Variants in WWOX observed in about 807,000 individuals in gnomAD.
WWOX encodes WW domain containing oxidoreductase, also known as WW domain-containing oxidoreductase.
WWOX carries 69 observed loss-of-function variants against 46.2 expected under a neutral mutation model. The observed-to-expected ratio is 1.49, with a 90% confidence interval of 1.23 to 1.82. WWOX has a LOEUF of 1.82. Ranked by LOEUF, WWOX falls within the 40% of genes most tolerant of loss-of-function variation. The probability of loss-of-function intolerance (pLI) is 0.00; values close to 1 mark genes in which losing one functional copy is unlikely to be tolerated. For synonymous variants in WWOX, 359 were observed against 202.6 expected (o/e 1.77, Z -6.56); for missense variants, 919 against 542.6 (o/e 1.69, Z -6.89).
intron 6 of WWOX, among the ~76,000 whole-genome samples, chr16:78,401,070 C>G (rs188224154): frequency 6.6e-6 from 1 of 152,322 alleles, no homozygotes; most frequent in Non-Finnish European, 1.5e-5. Flanking sequence ...TCCTCCTGCC[C>G]CTGCCTCCCA....
rs577464308 is a variant in WWOX, at chr16:79,165,842, G to A, written c.1057-45766G>A. ...ACATCCCTCACTCGGTCGCCGAACCGGGAACAGGGTTATAACTCAGTCTAA... is the reference window on the plus strand; with the variant it reads ...ACATCCCTCACTCGGTCGCCGAACCAGGAACAGGGTTATAACTCAGTCTAA... On this transcript the variant is annotated intron_variant, in intron 8 of 8. Transcript: ENST00000566780. 2.6e-3 allele frequency among the ~76,000 whole-genome samples: 401 copies of A among 152,208 alleles called. 2 individuals carry two copies. Among genetic ancestry groups the A allele is most frequent in the African/African-American group, 8.9e-3 (368 of 41,510 alleles).
At chr16:78,402,387 AT>A (rs932424343) in intron 6 of WWOX, among the ~76,000 whole-genome samples, 3 of 152,150 alleles carry the variant, frequency 2.0e-5, no homozygotes, top group African/African-American at 7.2e-5. Flanking sequence ...TCAGTCGGAT[AT>A]TTCTGTTGTT....
At chr16:79,161,808 C>G (rs1163070931) in intron 8 of WWOX, among the ~76,000 whole-genome samples, 2 of 152,248 alleles carry the variant, frequency 1.3e-5, no homozygotes, top group Non-Finnish European at 2.9e-5. Flanking sequence ...CATGAGCCAC[C>G]TCACGTGGTT....
intron 5 of WWOX, among the ~76,000 whole-genome samples, chr16:78,207,674 C>T (rs1243240395): frequency 6.8e-6 from 1 of 147,674 alleles, no homozygotes; most frequent in Non-Finnish European, 1.5e-5. Context: ...AACAGGATAA[C>T]AGTGCATTGC....
chr16:78,858,433 A>G (rs1003599706), intron 8 of WWOX, among the ~76,000 whole-genome samples: 6 of 152,086 alleles, frequency 3.9e-5, no homozygotes, highest in African/African-American at 4.8e-5. Context: ...TGAGTTGGAA[A>G]AAGCAAATTG....
At chr16:78,891,691 C>G (rs191661701) in intron 8 of WWOX, 5 of 152,158 alleles carry the variant, frequency 3.3e-5, no homozygotes, top group Admixed American at 6.6e-5. Context: ...TCTGTTTGCT[C>G]TAACATCCTT....
At chr16:79,118,220 T>A (rs532874207) in intron 8 of WWOX, among the ~76,000 whole-genome samples, 2 of 152,324 alleles carry the variant, frequency 1.3e-5, no homozygotes, top group East Asian at 3.9e-4. Context: ...AATACTGTTG[T>A]GTCTCAGGTA....
chr16:78,774,030 C>G (rs1025384958), intron 8 of WWOX, among the ~76,000 whole-genome samples: 1 of 152,190 alleles, frequency 6.6e-6, no homozygotes, highest in Non-Finnish European at 1.5e-5. Context: ...GGTGTCCACA[C>G]ATCAACTTAA....
chr16:78,104,710 T>G (rs1171934759), intron 1 of WWOX, among the ~76,000 whole-genome samples: 2 of 152,220 alleles, frequency 1.3e-5, no homozygotes, highest in Non-Finnish European at 2.9e-5. Context: ...TGTTCTAATT[T>G]TCTCTTCATT....
At chr16:78,951,696 A>T (rs7206333) in intron 8 of WWOX, among the ~76,000 whole-genome samples, 1 of 151,970 alleles carries the variant, frequency 6.6e-6, no homozygotes, top group South Asian at 2.1e-4. Context: ...GGTTCTACCC[A>T]GTACCGGGGA....
intron 8 of WWOX, among the ~76,000 whole-genome samples, chr16:78,713,748 G>A (rs2048498878): frequency 6.6e-6 from 1 of 152,164 alleles, no homozygotes; most frequent in Admixed American, 6.5e-5. Flanking sequence ...GCAGCCTTCA[G>A]AACTGTGAGA....
rs560239514 is a variant in WWOX, at chr16:78,343,802, C to G, written c.517-43058C>G. On this transcript the variant is annotated intron_variant, in intron 5 of 8. Transcript: ENST00000566780. ...CTAAAGGAGTGACTTGCTCTCAGTT[C>G]TTTGTCATTCAGCTGCTTTAATATT... Among the ~76,000 whole-genome samples, 2 of 120,352 alleles carry G rather than the reference C, an allele frequency of 1.7e-5. 1 individual carries two copies. Among genetic ancestry groups the G allele is most frequent in the Non-Finnish European group, 4.0e-5 (2 of 50,406 alleles). 79.0% of individuals were successfully genotyped at this position (120,352 alleles called of 152,430 possible). A position where few individuals can be genotyped will look rare whatever the true frequency, so the allele number is the denominator to read the frequency against.
At chr16:78,288,568 T>C (rs1011647206) in intron 5 of WWOX, among the ~76,000 whole-genome samples, 1 of 152,190 alleles carries the variant, frequency 6.6e-6, no homozygotes, top group Non-Finnish European at 1.5e-5. Context: ...TCCTGTGTGC[T>C]TCCCCTTGAT....
chr16:79,151,871 C>G (rs13339141), intron 8 of WWOX, among the ~76,000 whole-genome samples: 46,550 of 152,110 alleles, frequency 0.31, 7,944 homozygotes, highest in East Asian at 0.51. Context: ...TTTTCTTTGA[C>G]TGGGGACTTG....
intron 8 of WWOX, among the ~76,000 whole-genome samples, chr16:78,597,550 T>G (rs542325172): frequency 4.6e-5 from 7 of 152,316 alleles, no homozygotes; most frequent in Non-Finnish European, 1.0e-4. Context: ...GTGACCTGTT[T>G]TAAGAAAAGC....
chr16:78,774,119 T>C (rs2050129856), intron 8 of WWOX, among the ~76,000 whole-genome samples: 1 of 152,160 alleles, frequency 6.6e-6, no homozygotes, highest in African/African-American at 2.4e-5. Context: ...ACATTACTTC[T>C]AGGCTGGGTG....
At position 79,015,056 on chromosome 16, in the gene WWOX, C is replaced by G. The variant is rs563585254; in HGVS notation, c.1057-196552C>G. On this transcript the variant is annotated intron_variant, in intron 8 of 8. Coordinates refer to ENST00000566780, the MANE Select transcript of WWOX (RefSeq NM_016373.4). ...TGACATGAAAGGGGCCTTTCTCCTGCTGTCATCCTGAACCTCTGTCTTTCA... is the reference window on the plus strand; with the variant it reads ...TGACATGAAAGGGGCCTTTCTCCTGGTGTCATCCTGAACCTCTGTCTTTCA... 2.0e-5 allele frequency among the ~76,000 whole-genome samples: 3 copies of G among 152,306 alleles called. No individual in the cohort carries two copies. The East Asian group carries it at 5.8e-4, about 29-fold the overall frequency.
intron 8 of WWOX, among the ~76,000 whole-genome samples, chr16:79,000,791 A>G (rs890438500): frequency 2.6e-5 from 4 of 152,166 alleles, no homozygotes; most frequent in Non-Finnish European, 4.4e-5. Context: ...ATACCCTCTA[A>G]AAGCCCCTTT....
chr16:78,677,943 A>G (rs1034393897), intron 8 of WWOX, among the ~76,000 whole-genome samples: 2 of 152,206 alleles, frequency 1.3e-5, no homozygotes, highest in South Asian at 2.1e-4. Context: ...TTGCCCAAAT[A>G]TGTCCTTTTC....
Sources: allele counts gnomAD v4.1 joint callset (sites outside exome capture counted in the v4.1 genomes callset), GRCh38; gene constraint gnomAD v4.1.1; transcripts MANE v1.5; gene names NCBI Gene and HGNC (gene_info 2026-07-23, HGNC 2026-07-21).